Variants in ANKRD11 observed in about 807,000 individuals in gnomAD.
ANKRD11 encodes ankyrin repeat domain 11, also known as ankyrin repeat domain-containing protein 11.
In ANKRD11, 17 loss-of-function variants were observed where a neutral mutation model predicts 195.7. The ratio of observed to expected loss-of-function variants is 0.09; its 90% CI spans 0.06 to 0.13. ANKRD11 has a LOEUF of 0.13. Among genes scored for constraint, ANKRD11 ranks in the 10% least tolerant of loss-of-function variants. ANKRD11 has a pLI of 1.00. For synonymous variants in ANKRD11, 1,953 were observed against 1,528.1 expected, an observed-to-expected ratio of 1.28 and a Z score of -6.49; for missense variants, 3,735 against 3,566.1, an observed-to-expected ratio of 1.05 and a Z score of -1.21.
intron 2 of ANKRD11, among the ~76,000 whole-genome samples, chr16:89,356,647 G>C (rs1444866147): frequency 6.6e-6 from 1 of 151,330 alleles, no homozygotes; most frequent in Non-Finnish European, 1.5e-5. Context: ...CAGGCGTGGT[G>C]GTGGGTGCCT....
At chr16:89,425,773 A>T (rs2042692758) in intron 1 of ANKRD11, among the ~76,000 whole-genome samples, 1 of 152,154 alleles carries the variant, frequency 6.6e-6, no homozygotes, top group Non-Finnish European at 1.5e-5. Flanking sequence ...AGAAGGCTCC[A>T]GGGAATAAAG....
intron 2 of ANKRD11, chr16:89,328,848 C>T (rs966995548): frequency 8.2e-6 from 1 of 121,982 alleles, no homozygotes; most frequent in Non-Finnish European, 1.7e-5. Flanking sequence ...CCCAGGAGCA[C>T]GGGCGAAATC....
intron 1 of ANKRD11, among the ~76,000 whole-genome samples, chr16:89,482,519 C>T (rs2057476546): frequency 6.6e-6 from 1 of 152,206 alleles, no homozygotes; most frequent in African/African-American, 2.4e-5. Context: ...ACCCCTGGAA[C>T]CTGTGAATGC....
intron 1 of ANKRD11, among the ~76,000 whole-genome samples, chr16:89,427,497 C>T (rs1472520021): frequency 2.0e-5 from 3 of 152,166 alleles, no homozygotes; most frequent in African/African-American, 4.8e-5. Flanking sequence ...GTAGAAAAGA[C>T]ATAATTAAAA....
rs113264953 is a variant in ANKRD11, at chr16:89,280,547, G to A, written c.5995C>T (p.Pro1999Ser). 6.2e-7 allele frequency: 1 copy of A among 1,612,848 alleles called. No individual in the cohort carries two copies. Among genetic ancestry groups the A allele is most frequent in the South Asian group, 1.1e-5 (1 of 91,068 alleles). Residue 1999 changes from proline (P) to serine (S), a missense_variant, in exon 9 of 13, where the codon CCC becomes TCC. Coordinates refer to ENST00000301030, the MANE Select transcript of ANKRD11 (RefSeq NM_013275.6). ...ESPKRFCPADPLHSAAPGPFS... is the reference protein window; with the variant it reads ...ESPKRFCPADSLHSAAPGPFS... ...GGCCCTGGGGCGGCAGAGTGGAGGG[G>A]GTCCGCGGGGCAGAAACGCTTTGGG...
intron 4 of ANKRD11, among the ~76,000 whole-genome samples, chr16:89,296,173 G>A (rs902999502): frequency 1.3e-5 from 2 of 151,606 alleles, no homozygotes; most frequent in Non-Finnish European, 2.9e-5. Flanking sequence ...TCCCTTTGCT[G>A]TTCTGAAAAC....
chr16:89,288,810 G>A, intron 6 of ANKRD11, 140 bp from the exon 7 acceptor site: 1 of 1,193,726 alleles, frequency 8.4e-7, no homozygotes, highest in Non-Finnish European at 1.2e-6. Flanking sequence ...CTGCAGTTTA[G>A]GGAAGCAGGT....
At chr16:89,480,483 A>T (rs1403154327) in intron 1 of ANKRD11, among the ~76,000 whole-genome samples, 1 of 152,168 alleles carries the variant, frequency 6.6e-6, no homozygotes, top group African/African-American at 2.4e-5. Context: ...TCTCAAAAAA[A>T]AAGAAAAAAA....
At chr16:89,478,822 C>A (rs961203253) in intron 1 of ANKRD11, among the ~76,000 whole-genome samples, 2 of 152,240 alleles carry the variant, frequency 1.3e-5, no homozygotes, top group Non-Finnish European at 2.9e-5. Flanking sequence ...CCTCCAAAGA[C>A]TGACACTGGG....
chr16:89,408,142 C>G (rs900127848), intron 2 of ANKRD11, among the ~76,000 whole-genome samples: 1 of 152,152 alleles, frequency 6.6e-6, no homozygotes, highest in East Asian at 1.9e-4. Flanking sequence ...GAAGGACTTG[C>G]GCATGGCCCC....
rs750870911 is a variant in ANKRD11 at position 89,284,764 on chromosome 16, C to G, written c.1778G>C (p.Arg593Thr). The stretch of plus-strand genomic sequence containing the variant: ...TCGCTTCCTGTGCTCCTGCCTCTTC[C>G]TCACTGGCTTCAGCGATTCCACACT... The part of the protein sequence containing the change: ...GSSVESLKPV[R>T]KRQEHRKRAS... Residue 593 changes from arginine (R) to threonine (T), a missense_variant, in exon 9 of 13, where the codon AGG becomes ACG. Physicochemically the swap from Arg to Thr is moderately conservative, Grantham distance 71. Transcript: ENST00000301030. The G allele has an allele frequency of 3.7e-6, 6 of 1,613,642 alleles. No individual in the cohort carries two copies. Among genetic ancestry groups the G allele is most frequent in the Non-Finnish European group, 5.1e-6 (6 of 1,179,994 alleles).
At chr16:89,274,596 T>C (rs955010121) in intron 11 of ANKRD11, 13 of 664,682 alleles carry the variant, frequency 2.0e-5, no homozygotes, top group South Asian at 9.0e-5. Flanking sequence ...CCTGAGGGCC[T>C]TGCCCGTGCG....
At chr16:89,304,132 A>G (rs2036015225) in intron 4 of ANKRD11, among the ~76,000 whole-genome samples, 1 of 152,200 alleles carries the variant, frequency 6.6e-6, no homozygotes, top group African/African-American at 2.4e-5. Context: ...AAGAATCACC[A>G]AAGAGCAAGC....
In ANKRD11 at chr16:89,281,840, G is replaced by A; in HGVS notation, c.4702C>T (p.Pro1568Ser). The change falls in exon 9 of 13, where the codon CCC (proline) becomes TCC (serine). Residue 1568 changes from proline to serine, a missense_variant. Coordinates refer to ENST00000301030, the MANE Select transcript of ANKRD11 (RefSeq NM_013275.6). This position sits in a 1 kb window ranked among gnomAD's most constrained non-coding sequence, Gnocchi z 5.5. ...CCGTCCCCCAGGAGCTTCTCCCTGG[G>A]CCTGGCGTCTTTCTTGCCTGGGTCT... ...SKDPGKKDAR[P>S]REKLLGDGDL... The A allele has an allele frequency of 1.9e-6, 3 of 1,614,010 alleles. No homozygotes were observed. Among genetic ancestry groups the A allele is most frequent in the Non-Finnish European group, 2.5e-6 (3 of 1,180,012 alleles).
At chr16:89,431,324 G>C (rs1307446412) in intron 1 of ANKRD11, 1 of 152,782 alleles carries the variant, frequency 6.5e-6, no homozygotes, top group African/African-American at 2.4e-5. Context: ...CAGGCTGCAC[G>C]GGCTGGAGAG....
intron 2 of ANKRD11, among the ~76,000 whole-genome samples, chr16:89,403,945 C>T (rs1161271565): frequency 1.3e-5 from 2 of 152,092 alleles, no homozygotes; most frequent in Non-Finnish European, 2.9e-5. Context: ...AACAACAACA[C>T]ATCTTTATAT....
At chr16:89,380,088 G>C (rs1433171519) in intron 2 of ANKRD11, among the ~76,000 whole-genome samples, 1 of 152,102 alleles carries the variant, frequency 6.6e-6, no homozygotes, top group Non-Finnish European at 1.5e-5. Flanking sequence ...TGTTATTTCT[G>C]GTACCCCAGT....
At chr16:89,430,794 G>C (rs968284422) in intron 1 of ANKRD11, among the ~76,000 whole-genome samples, 22 of 152,154 alleles carry the variant, frequency 1.4e-4, no homozygotes, top group African/African-American at 5.1e-4. Context: ...AAAATGAATT[G>C]TTTCTTTCTT....
Position 89,490,420 on chromosome 16 carries a change from CCTCGGGCGCGCCCACGG to C in ANKRD11, c.-337_-321del, listed in dbSNP as rs2057790992. 3.3e-6 allele frequency: 1 copy of C among 307,030 alleles called. No homozygotes were observed. The highest frequency in any genetic ancestry group is 6.0e-6 in the Non-Finnish European group (1 of 167,426). The allele number at this position is 307,030 out of a possible 1,614,324, so 19.0% of individuals were successfully genotyped here. A position where few individuals can be genotyped will look rare whatever the true frequency, so the allele number is the denominator to read the frequency against. Reference sequence around the variant, plus strand: ...AGGGACGGCGGGAGGCGAGCCCGCCCCTCGGGCGCGCCCACGGCTCGGGCGAGAGCCGCGGCTCCCGG... The same window carrying C: ...AGGGACGGCGGGAGGCGAGCCCGCCCCTCGGGCGAGAGCCGCGGCTCCCGG... On this transcript the variant is annotated 5_prime_UTR_variant, in exon 1 of 13. Coordinates refer to ENST00000301030, the MANE Select transcript of ANKRD11 (RefSeq NM_013275.6).
Sources: allele counts gnomAD v4.1 joint callset (sites outside exome capture counted in the v4.1 genomes callset), GRCh38; gene constraint gnomAD v4.1.1; non-coding constraint Gnocchi (gnomAD v3.1); transcripts MANE v1.5; gene names NCBI Gene and HGNC (gene_info 2026-07-23, HGNC 2026-07-21).